KCNQ1: variants seen among roughly 807,000 people sequenced by gnomAD.
KCNQ1 encodes the protein potassium voltage-gated channel subfamily KQT member 1.
KCNQ1 carries 49 observed loss-of-function variants against 72.4 expected under a neutral mutation model. The ratio of observed to expected loss-of-function variants is 0.68; its 90% confidence interval spans 0.54 to 0.86. The LOEUF is 0.86. KCNQ1 is among the 40% of genes least tolerant of loss of function. The pLI is 0.00. For missense variants in KCNQ1, 790 were observed against 945.1 expected (o/e 0.84, Z 2.15); for synonymous variants, 450 against 412.6 (o/e 1.09, Z -1.10).
chr11:2,526,090 T>C lies in KCNQ1; in HGVS notation c.387-1838T>C, dbSNP rs1443101305. On this transcript the variant is annotated intron_variant, in intron 1 of 15. Coordinates refer to ENST00000155840, the MANE Select transcript of KCNQ1 (RefSeq NM_000218.3). The surrounding 1 kb of genome is among the most constrained non-coding windows in gnomAD (Gnocchi z 6.1). ...GGCTTTTAGGCTGGGCAGCAGCAGG[T>C]GCACGGGCCCTGAGGTGGGCCGGGC... 6.6e-6 allele frequency among the ~76,000 whole-genome samples: 1 copy of C among 152,112 alleles called. No homozygotes were observed. The highest frequency in any genetic ancestry group is 2.4e-5 in the African/African-American group (1 of 41,434).
rs575636299 is a variant in KCNQ1, at chr11:2,637,914, T to C, written c.1394-24047T>C. 1.4e-4 allele frequency: 22 copies of C among 152,366 alleles called. 1 individual carries two copies. The highest frequency in any genetic ancestry group is 5.0e-4 in the African/African-American group (21 of 41,588). 9.4% of individuals were successfully genotyped at this position (152,366 alleles called of 1,614,324 possible). On this transcript the variant is annotated intron_variant, in intron 10 of 15. Coordinates refer to ENST00000155840, the MANE Select transcript of KCNQ1 (RefSeq NM_000218.3). Reference sequence around the variant, plus strand: ...AAGATAGTTAGCTCTTCTTGTTGAATTGATCCCTTTACCATTATGTAATGA... The same window carrying C: ...AAGATAGTTAGCTCTTCTTGTTGAACTGATCCCTTTACCATTATGTAATGA...
chr11:2,532,060 G>A (rs758766560), intron 2 of KCNQ1, among the ~76,000 whole-genome samples: 2 of 152,164 alleles, frequency 1.3e-5, no homozygotes, highest in African/African-American at 2.4e-5. Flanking sequence ...TCTGGACCTG[G>A]CTGTCCTCGG....
Position 2,690,648 on chromosome 11 carries a change from A to G in KCNQ1, c.1514+28567A>G, listed in dbSNP as rs1038932899. 6.3e-5 allele frequency: 25 copies of G among 398,566 alleles called. No homozygotes were observed. The highest frequency in any genetic ancestry group is 8.8e-5 in the Admixed American group (2 of 22,720). The allele number at this position is 398,566 out of a possible 1,614,324, so 24.7% of individuals were successfully genotyped here. A position where few individuals can be genotyped will look rare whatever the true frequency, so the allele number is the denominator to read the frequency against. On this transcript the variant is annotated intron_variant, in intron 11 of 15. Coordinates refer to ENST00000155840, the MANE Select transcript of KCNQ1 (RefSeq NM_000218.3). This position sits in a 1 kb window ranked among gnomAD's most constrained non-coding sequence, Gnocchi z 5.1. Reference sequence around the variant, plus strand: ...ATATGTGTCAGAATGCGTATTTGTCAGTGTATGTGTGTCAGTGCACATAGG... The same window carrying G: ...ATATGTGTCAGAATGCGTATTTGTCGGTGTATGTGTGTCAGTGCACATAGG...
intron 1 of KCNQ1, among the ~76,000 whole-genome samples, chr11:2,522,517 G>A (rs1005316401): frequency 6.6e-6 from 1 of 152,190 alleles, no homozygotes; most frequent in African/African-American, 2.4e-5. Flanking sequence ...ACCCCAGCTC[G>A]GCACCTGTGA....
In KCNQ1 at chr11:2,745,134, A is replaced by G. The variant is rs1461686752; in HGVS notation, c.1515-23710A>G. 2.0e-5 allele frequency among the ~76,000 whole-genome samples: 3 copies of G among 152,152 alleles called. No individual in the cohort carries two copies. Among genetic ancestry groups the G allele is most frequent in the African/African-American group, 4.8e-5 (2 of 41,440 alleles). ...TTTGACTTATCTGTTTGGGACCTTT[A>G]TTCCTCCATGCCAACTTTAAAGTTA... On this transcript the variant is annotated intron_variant, in intron 11 of 15. Transcript: ENST00000155840. The surrounding 1 kb of genome is among the most constrained non-coding windows in gnomAD (Gnocchi z 6.2).
At position 2,757,355 on chromosome 11, in the gene KCNQ1, G is replaced by A. The variant is rs115171868; in HGVS notation, c.1515-11489G>A. Among the ~76,000 whole-genome samples the A allele has an allele frequency of 2.7e-3, 408 of 152,146 alleles. 2 individuals are homozygous for A. The highest frequency in any genetic ancestry group is 9.5e-3 in the African/African-American group (393 of 41,504). The stretch of plus-strand genomic sequence containing the variant: ...GCGCTAAAGAAATTAAAATACTTAG[G>A]TATAAATTTAACAAAACATGTAAAG... On this transcript the variant is annotated intron_variant, in intron 11 of 15. Coordinates refer to ENST00000155840, the MANE Select transcript of KCNQ1 (RefSeq NM_000218.3).
intron 11 of KCNQ1, among the ~76,000 whole-genome samples, chr11:2,728,229 C>T (rs571159042): frequency 1.1e-4 from 16 of 152,196 alleles, no homozygotes; most frequent in Non-Finnish European, 2.2e-4. Flanking sequence ...ACCCTTCTGC[C>T]CTGACTTCTC....
chr11:2,560,789 C>T (rs1003644807), intron 2 of KCNQ1, among the ~76,000 whole-genome samples: 1 of 151,920 alleles, frequency 6.6e-6, no homozygotes, highest in Non-Finnish European at 1.5e-5. Context: ...GTGGAGAAGG[C>T]GGGCCCCTGA....
At chr11:2,737,123 C>T (rs927545218) in intron 11 of KCNQ1, among the ~76,000 whole-genome samples, 5 of 152,154 alleles carry the variant, frequency 3.3e-5, no homozygotes, top group African/African-American at 9.7e-5. Context: ...GGTAGGGCAG[C>T]GGATTAGGGA....
chr11:2,689,473 C>T, intron 11 of KCNQ1: 1 of 398,688 alleles, frequency 2.5e-6, no homozygotes, highest in Non-Finnish European at 4.4e-6. Context: ...TCTGCTCTGC[C>T]TACCTGCATT....
chr11:2,454,346 G>A (rs528970354), intron 1 of KCNQ1, among the ~76,000 whole-genome samples: 1 of 152,218 alleles, frequency 6.6e-6, no homozygotes, highest in Non-Finnish European at 1.5e-5. Flanking sequence ...TAATCGCTTG[G>A]TGAAAAATCC....
chr11:2,645,044 CA>C lies in KCNQ1; in HGVS notation c.1394-16916del. 1 of 398,782 alleles carries C rather than the reference CA, an allele frequency of 2.5e-6. No homozygotes were observed. The highest frequency in any genetic ancestry group is 2.1e-5 in the African/African-American group (1 of 48,742). 24.7% of individuals were successfully genotyped at this position (398,782 alleles called of 1,614,324 possible). ...ATTTTGGGCCTCCAGGCAACTTGCT[CA>C]GGTGCCAATGATGACAGAGCTGGGC... On this transcript the variant is annotated intron_variant, in intron 10 of 15. Transcript: ENST00000155840. This position sits in a 1 kb window ranked among gnomAD's most constrained non-coding sequence, Gnocchi z 5.8.
At position 2,628,075 on chromosome 11, in the gene KCNQ1, C is replaced by T. The variant is rs117375320; in HGVS notation, c.1394-33886C>T. 1,683 of 398,586 alleles carry T rather than the reference C, an allele frequency of 4.2e-3. 2 individuals carry two copies. Among genetic ancestry groups the T allele is most frequent in the Non-Finnish European group, 5.3e-3 (1,190 of 226,060 alleles). The allele number at this position is 398,586 out of a possible 1,614,324, so 24.7% of individuals were successfully genotyped here. ...GAATACTATGTTGCTCATTTCTTGA[C>T]TACTGTAACACTACAATGAACATGG... On this transcript the variant is annotated intron_variant, in intron 10 of 15. Transcript: ENST00000155840.
rs1408287717 is a variant in KCNQ1, at chr11:2,664,373, A to G, written c.1514+2292A>G. ...TTCCTGCATCCTCAGAAGTCAGGGT[A>G]CGGTCCCTCCAGAGAGGCCTGAAGG... On this transcript the variant is annotated intron_variant, in intron 11 of 15. Transcript: ENST00000155840. The surrounding 1 kb of genome is among the most constrained non-coding windows in gnomAD (Gnocchi z 5.1). The G allele has an allele frequency of 1.3e-5, 5 of 398,746 alleles. No homozygotes were observed. In the East Asian group the frequency reaches 1.8e-4, roughly 14 times the overall value. 24.7% of individuals were successfully genotyped at this position (398,746 alleles called of 1,614,324 possible). A position where few individuals can be genotyped will look rare whatever the true frequency, so the allele number is the denominator to read the frequency against.
Position 2,676,399 on chromosome 11 carries a change from A to G in KCNQ1, c.1514+14318A>G, listed in dbSNP as rs1342463569. On this transcript the variant is annotated intron_variant, in intron 11 of 15. Transcript: ENST00000155840. This position sits in a 1 kb window ranked among gnomAD's most constrained non-coding sequence, Gnocchi z 4.2. Reference sequence around the variant, plus strand: ...AGGAGCATAGTCTCTGTGTTCAGCTAGAGATTTAGCCCAATGGGCTGGGCT... The same window carrying G: ...AGGAGCATAGTCTCTGTGTTCAGCTGGAGATTTAGCCCAATGGGCTGGGCT... 19 of 398,540 alleles carry G rather than the reference A, an allele frequency of 4.8e-5. No homozygotes were observed. Among genetic ancestry groups the G allele is most frequent in the Non-Finnish European group, 6.6e-5 (15 of 226,082 alleles). The allele number at this position is 398,540 out of a possible 1,614,324, so 24.7% of individuals were successfully genotyped here.
Position 2,479,835 on chromosome 11 carries a change from G to C in KCNQ1, c.386+34351G>C, listed in dbSNP as rs556424140. The stretch of plus-strand genomic sequence containing the variant: ...GCAAATTTTCTGAACTTTTATCTCT[G>C]TTTCCCTTTCAAAACTGAATGCTTT... On this transcript the variant is annotated intron_variant, in intron 1 of 15. Coordinates refer to ENST00000155840, the MANE Select transcript of KCNQ1 (RefSeq NM_000218.3). This position sits in a 1 kb window ranked among gnomAD's most constrained non-coding sequence, Gnocchi z 4.6. Among the ~76,000 whole-genome samples, 13 of 152,168 alleles carry C rather than the reference G, an allele frequency of 8.5e-5. No individual in the cohort carries two copies. The highest frequency in any genetic ancestry group is 3.1e-4 in the African/African-American group (13 of 41,502).
Position 2,683,249 on chromosome 11 carries a change from C to T in KCNQ1, c.1514+21168C>T. 1 of 398,618 alleles carries T rather than the reference C, an allele frequency of 2.5e-6. No homozygotes were observed. Among genetic ancestry groups the T allele is most frequent in the Non-Finnish European group, 4.4e-6 (1 of 226,076 alleles). The allele number at this position is 398,618 out of a possible 1,614,324, so 24.7% of individuals were successfully genotyped here. ...AGATACAGAGCAGGAGTCCATGGCA[C>T]CTCCAGAACCTGTCAGCCTGAGTAT... is the stretch of plus-strand genomic sequence containing the variant. On this transcript the variant is annotated intron_variant, in intron 11 of 15. Coordinates refer to ENST00000155840, the MANE Select transcript of KCNQ1 (RefSeq NM_000218.3). The surrounding 1 kb of genome is among the most constrained non-coding windows in gnomAD (Gnocchi z 4.7).
intron 6 of KCNQ1, among the ~76,000 whole-genome samples, chr11:2,575,371 C>G (rs1200103719): frequency 1.3e-5 from 2 of 152,136 alleles, no homozygotes; most frequent in African/African-American, 4.8e-5. Context: ...CCCTGGGCCC[C>G]CCACCGCCCA....
intron 1 of KCNQ1, among the ~76,000 whole-genome samples, chr11:2,490,869 G>A (rs1365260831): frequency 6.6e-6 from 1 of 152,066 alleles, no homozygotes; most frequent in Non-Finnish European, 1.5e-5. Context: ...TTGTTTGTTT[G>A]TTTGTTTGTT....
Sources: allele counts gnomAD v4.1 joint callset (sites outside exome capture counted in the v4.1 genomes callset), GRCh38; gene constraint gnomAD v4.1.1; non-coding constraint Gnocchi (gnomAD v3.1); transcripts MANE v1.5; gene names NCBI Gene and HGNC (gene_info 2026-07-23, HGNC 2026-07-21).